The following NFILZ variants were observed in gnomAD, a reference collection of about 807,000 sequenced individuals.
NFILZ encodes the protein NFIL3 like basic leucine zipper.
At position 8,674,647 on chromosome 19, in the gene NFILZ, C is replaced by T. The variant is rs146583645; in HGVS notation, c.-114+47C>T. ...TTTTTGTATTCTTTTTCTGAGGGCGCGTCATCTTTGGCACTGGGGTTCCTA... is the reference window on the plus strand; with the variant it reads ...TTTTTGTATTCTTTTTCTGAGGGCGTGTCATCTTTGGCACTGGGGTTCCTA... On this transcript the variant is annotated intron_variant, in intron 4 of 5. Coordinates refer to ENST00000691075, the MANE Select transcript of NFILZ (RefSeq NM_001378600.1). 6.2e-3 allele frequency among the ~76,000 whole-genome samples: 934 copies of T among 151,806 alleles called. 10 individuals carry two copies. The highest frequency in any genetic ancestry group is 0.02 in the African/African-American group (826 of 41,316).
chr19:8,651,888 C>A (rs1295390570), intron 3 of NFILZ, among the ~76,000 whole-genome samples: 1 of 152,068 alleles, frequency 6.6e-6, no homozygotes, highest in Non-Finnish European at 1.5e-5. Flanking sequence ...TCCTCACTAC[C>A]CTTCCTGGCC....
chr19:8,653,003 C>CTTTCTTTCTTTCTTTCTTTCTTT (rs1600145535), intron 3 of NFILZ, among the ~76,000 whole-genome samples: 1 of 41,452 alleles, frequency 2.4e-5, no homozygotes, highest in African/African-American at 9.9e-5. Context: ...TTCCTTCCTT[C>CTTTCTTTCTTTCTTTCTTTCTTT]CTTCCTTCCT....
At position 8,656,482 on chromosome 19, in the gene NFILZ, C is replaced by CAGCGCACCTCCTCCCTGA. The variant is rs1289847301; in HGVS notation, c.-163-18066_-163-18065insGCACCTCCTCCCTGAAGC. Reference sequence around the variant, plus strand: ...TCTCTCTGAAGCCCACCTTCTCCCGCAGCCCACCTTCTCCCGCAGCCCACC... The same window carrying CAGCGCACCTCCTCCCTGA: ...TCTCTCTGAAGCCCACCTTCTCCCGCAGCGCACCTCCTCCCTGAAGCCCACCTTCTCCCGCAGCCCACC... On this transcript the variant is annotated intron_variant, in intron 3 of 5. Transcript: ENST00000691075. 2.2e-4 allele frequency among the ~76,000 whole-genome samples: 10 copies of CAGCGCACCTCCTCCCTGA among 45,560 alleles called. 3 individuals carry two copies. Among genetic ancestry groups the CAGCGCACCTCCTCCCTGA allele is most frequent in the Non-Finnish European group, 3.1e-4 (7 of 22,698 alleles). The allele number at this position is 45,560 out of a possible 152,430, so 29.9% of individuals were successfully genotyped here. A position where few individuals can be genotyped will look rare whatever the true frequency, so the allele number is the denominator to read the frequency against.
In NFILZ at chr19:8,680,228, A is replaced by G. The variant is rs115515679; in HGVS notation, c.*2593A>G. ...AAAAAAAAAAAAGGAAAAAGAAAAA[A>G]TCCTGTTTCCCTTTTTGCTTTGCCC... On this transcript the variant is annotated 3_prime_UTR_variant, in exon 6 of 6. Coordinates refer to ENST00000691075, the MANE Select transcript of NFILZ (RefSeq NM_001378600.1). Among the ~76,000 whole-genome samples, 3,573 of 150,496 alleles carry G rather than the reference A, an allele frequency of 0.024. 173 individuals are homozygous for G. The highest frequency in any genetic ancestry group is 0.082 in the African/African-American group (3,354 of 40,666).
intron 3 of NFILZ, among the ~76,000 whole-genome samples, chr19:8,656,203 G>GTTC (rs1555748297): frequency 1.9e-5 from 2 of 106,036 alleles, no homozygotes; most frequent in Non-Finnish European, 4.6e-5. Flanking sequence ...CAAAGCCAGT[G>GTTC]TTCTCCCTGC....
chr19:8,645,764 C>T (rs1294957645), intron 3 of NFILZ, among the ~76,000 whole-genome samples: 2 of 152,124 alleles, frequency 1.3e-5, no homozygotes, highest in Admixed American at 6.6e-5. Flanking sequence ...GGAGCCTGAA[C>T]ATAAAGCCCA....
chr19:8,638,071 AAG>A (rs1415522140), intron 3 of NFILZ, among the ~76,000 whole-genome samples: 7 of 152,096 alleles, frequency 4.6e-5, no homozygotes, highest in Non-Finnish European at 8.8e-5. Context: ...TAATAGAGCA[AAG>A]ATCAGTAGAT....
At position 8,678,055 on chromosome 19, in the gene NFILZ, C is replaced by CCATCCATCCATCCAT. The variant is rs1600158052; in HGVS notation, c.*421_*422insATCCATCCATCCATC. ...ATCCATCCATCCATCCATCCATCCA[C>CCATCCATCCATCCAT]CCATCTATTCATCCATCCATCAATC... On this transcript the variant is annotated 3_prime_UTR_variant, in exon 6 of 6. Transcript: ENST00000691075. Among the ~76,000 whole-genome samples, 7 of 41,994 alleles carry CCATCCATCCATCCAT rather than the reference C, an allele frequency of 1.7e-4. No homozygotes were observed. Among genetic ancestry groups the CCATCCATCCATCCAT allele is most frequent in the African/African-American group, 4.8e-4 (5 of 10,422 alleles). 27.5% of individuals were successfully genotyped at this position (41,994 alleles called of 152,430 possible).
chr19:8,637,010 T>C (rs1014201130), intron 3 of NFILZ, among the ~76,000 whole-genome samples: 1 of 152,096 alleles, frequency 6.6e-6, no homozygotes, highest in African/African-American at 2.4e-5. Context: ...AGGTGAGGTA[T>C]AGGACAGGGT....
rs1459055520 is a variant in NFILZ, at chr19:8,637,839, G to A, written c.-164+2093G>A. Reference sequence around the variant, plus strand: ...GGAGAATCACCTGAACCAGGGAGGCGGAGATTGCAGTGAGCTGAGATTGCG... The same window carrying A: ...GGAGAATCACCTGAACCAGGGAGGCAGAGATTGCAGTGAGCTGAGATTGCG... On this transcript the variant is annotated intron_variant, in intron 3 of 5. Coordinates refer to ENST00000691075, the MANE Select transcript of NFILZ (RefSeq NM_001378600.1). 6.3e-5 allele frequency among the ~76,000 whole-genome samples: 9 copies of A among 142,916 alleles called. No homozygotes were observed. The South Asian group carries it at 1.8e-3, about 28-fold the overall frequency. The allele number at this position is 142,916 out of a possible 152,430, so 93.8% of individuals were successfully genotyped here.
intron 3 of NFILZ, among the ~76,000 whole-genome samples, chr19:8,644,666 G>A (rs1158774814): frequency 6.6e-5 from 10 of 150,666 alleles, no homozygotes; most frequent in Admixed American, 2.6e-4. Flanking sequence ...GGGTCTTACC[G>A]TGTTGCCCAG....
chr19:8,643,155 G>T (rs2042926091), intron 3 of NFILZ, among the ~76,000 whole-genome samples: 1 of 152,052 alleles, frequency 6.6e-6, no homozygotes, highest in African/African-American at 2.4e-5. Context: ...TCCCTCTGTT[G>T]CTCAGGCTGG....
intron 3 of NFILZ, among the ~76,000 whole-genome samples, chr19:8,646,691 C>T (rs986864601): frequency 1.3e-5 from 2 of 152,194 alleles, no homozygotes; most frequent in African/African-American, 2.4e-5. Context: ...TCCTGTCTCC[C>T]ACTGCTGTCC....
intron 3 of NFILZ, among the ~76,000 whole-genome samples, chr19:8,661,100 CTCCT>C (rs1555749063): frequency 0.17 from 10,507 of 60,648 alleles, 1,672 homozygotes; most frequent in South Asian, 0.22. Flanking sequence ...CCCTCCCTTC[CTCCT>C]TCCTTCCTTC....
intron 3 of NFILZ, among the ~76,000 whole-genome samples, chr19:8,666,350 T>G (rs782132169): frequency 1.1e-4 from 16 of 151,118 alleles, no homozygotes; most frequent in Admixed American, 4.0e-4. Flanking sequence ...TTTTTTTTGA[T>G]TTTTTTGTAG....
chr19:8,677,986 A>G lies in NFILZ; in HGVS notation c.*351A>G, dbSNP rs1402413689. On this transcript the variant is annotated 3_prime_UTR_variant, in exon 6 of 6. Coordinates refer to ENST00000691075, the MANE Select transcript of NFILZ (RefSeq NM_001378600.1). ...TATTCATCCATTCATTCATTCATCA[A>G]TCCTTATCCATCCATCCATTAGTCC... Among the ~76,000 whole-genome samples the G allele has an allele frequency of 6.7e-6, 1 of 150,340 alleles. No individual in the cohort carries two copies. Among genetic ancestry groups the G allele is most frequent in the Non-Finnish European group, 1.5e-5 (1 of 67,596 alleles).
At chr19:8,634,053 G>A (rs574016241) in intron 2 of NFILZ, among the ~76,000 whole-genome samples, 3 of 150,480 alleles carry the variant, frequency 2.0e-5, no homozygotes, top group South Asian at 2.1e-4. Flanking sequence ...GCTGCAGTAC[G>A]GTGGCGCCAT....
rs112239377 is a variant in NFILZ, at chr19:8,679,991, T to A, written c.*2356T>A. On this transcript the variant is annotated 3_prime_UTR_variant, in exon 6 of 6. Coordinates refer to ENST00000691075, the MANE Select transcript of NFILZ (RefSeq NM_001378600.1). ...GATGGATCTCACTTGAGGTCAGGAGTTCGAGACCAGCCTGGCCAACATGAT... is the reference window on the plus strand; with the variant it reads ...GATGGATCTCACTTGAGGTCAGGAGATCGAGACCAGCCTGGCCAACATGAT... Among the ~76,000 whole-genome samples the A allele has an allele frequency of 3.2e-3, 489 of 151,730 alleles. 2 individuals carry two copies. Among genetic ancestry groups the A allele is most frequent in the African/African-American group, 0.011 (475 of 41,368 alleles).
At chr19:8,660,581 CTCCT>C (rs35156565) in intron 3 of NFILZ, among the ~76,000 whole-genome samples, 78 of 110,130 alleles carry the variant, frequency 7.1e-4, no homozygotes, top group African/African-American at 1.0e-3. Flanking sequence ...CCCTCCCTCC[CTCCT>C]TCCTTCCTTC....
Sources: gnomAD v4.1 joint callset for allele counts (sites outside exome capture counted in the v4.1 genomes callset) on GRCh38, gnomAD v4.1.1 for gene constraint, MANE v1.5 for transcripts, NCBI Gene and HGNC (gene_info 2026-07-23, HGNC 2026-07-21) for gene names.